SHB: variants seen among roughly 807,000 people sequenced by gnomAD.
The protein encoded by SHB is SH2 domain-containing adapter protein B.
In SHB, 20 loss-of-function variants were observed where a neutral mutation model predicts 52.3. The ratio of observed to expected loss-of-function variants is 0.38; its 90% CI spans 0.27 to 0.56. The LOEUF (loss-of-function observed/expected upper bound fraction) is 0.56. Among genes scored for constraint, SHB ranks in the 20% least tolerant of loss-of-function variants. SHB has a pLI of 0.71. For missense variants in SHB, 825 were observed against 723.3 expected (o/e 1.14, Z -1.61); for synonymous variants, 397 against 316.5 (o/e 1.25, Z -2.70).
At chr9:38,039,847 T>A (rs1821549249) in intron 1 of SHB, among the ~76,000 whole-genome samples, 1 of 152,204 alleles carries the variant, frequency 6.6e-6, no homozygotes, top group Non-Finnish European at 1.5e-5. Context: ...CAGCTGGAGC[T>A]CGAGGGGCGA....
intron 2 of SHB, among the ~76,000 whole-genome samples, chr9:37,994,994 C>A (rs1288437779): frequency 6.6e-6 from 1 of 152,174 alleles, no homozygotes. Context: ...GGAACTGAAA[C>A]GTTCTTCCTG....
chr9:37,932,704 C>T (rs1208270860), intron 5 of SHB, among the ~76,000 whole-genome samples: 2 of 152,186 alleles, frequency 1.3e-5, no homozygotes, highest in African/African-American at 2.4e-5. Context: ...ACCCCAAATG[C>T]CTGGGCTCAT....
At chr9:38,021,289 G>A (rs1328371181) in intron 1 of SHB, among the ~76,000 whole-genome samples, 1 of 151,784 alleles carries the variant, frequency 6.6e-6, no homozygotes, top group African/African-American at 2.4e-5. Context: ...GTGGTGAGCC[G>A]AGATCGCGCC....
At chr9:37,925,610 G>T (rs1294869829) in intron 5 of SHB, among the ~76,000 whole-genome samples, 2 of 152,180 alleles carry the variant, frequency 1.3e-5, no homozygotes, top group East Asian at 3.9e-4. Context: ...TTCTTGAAGG[G>T]GTAATGTGAG....
At chr9:37,960,540 G>A (rs1832682696) in intron 3 of SHB, among the ~76,000 whole-genome samples, 1 of 152,152 alleles carries the variant, frequency 6.6e-6, no homozygotes, top group Non-Finnish European at 1.5e-5. Context: ...CCAATGATGG[G>A]GACCAGACCC....
chr9:37,943,230 A>G (rs1202549155), intron 5 of SHB, among the ~76,000 whole-genome samples: 1 of 152,004 alleles, frequency 6.6e-6, no homozygotes, highest in Non-Finnish European at 1.5e-5. Context: ...CATCCTTCAC[A>G]TTCCCCTTCC....
intron 2 of SHB, among the ~76,000 whole-genome samples, chr9:38,003,604 G>A (rs1821045257): frequency 6.6e-6 from 1 of 152,162 alleles, no homozygotes; most frequent in Non-Finnish European, 1.5e-5. Flanking sequence ...GGGCTTCCAT[G>A]GATTCTCCAC....
At chr9:37,929,556 T>C (rs1036047677) in intron 5 of SHB, among the ~76,000 whole-genome samples, 5 of 152,164 alleles carry the variant, frequency 3.3e-5, no homozygotes, top group African/African-American at 1.2e-4. Flanking sequence ...AGCACTGAGC[T>C]AGGTTTCCCA....
At chr9:37,985,108 G>C (rs1370571854) in intron 2 of SHB, among the ~76,000 whole-genome samples, 2 of 152,222 alleles carry the variant, frequency 1.3e-5, no homozygotes, top group Non-Finnish European at 1.5e-5. Context: ...AACCAACAGA[G>C]GGTGGGCTCT....
chr9:37,924,712 G>A (rs982868800), intron 5 of SHB, among the ~76,000 whole-genome samples: 12 of 152,146 alleles, frequency 7.9e-5, no homozygotes, highest in Non-Finnish European at 1.5e-4. Flanking sequence ...CTGGGTACTG[G>A]GCTCTGAGCT....
At chr9:38,056,450 G>C (rs764823835) in intron 1 of SHB, among the ~76,000 whole-genome samples, 1 of 152,174 alleles carries the variant, frequency 6.6e-6, no homozygotes, top group Non-Finnish European at 1.5e-5. Flanking sequence ...TCGTGCCTCA[G>C]CCTCTAAAGT....
At position 37,944,263 on chromosome 9, in the gene SHB, T is replaced by TG. The variant is rs550821024; in HGVS notation, c.1346+4371dup. On this transcript the variant is annotated intron_variant, in intron 5 of 5. Coordinates refer to ENST00000377707, the MANE Select transcript of SHB (RefSeq NM_003028.3). ...GTGGGTCACTGCAAGTGCAGAAAGT[T>TG]GGGGGGTGGGATGCCGACAGGTGGC... Among the ~76,000 whole-genome samples, 225 of 152,166 alleles carry TG rather than the reference T, an allele frequency of 1.5e-3. 1 individual carries two copies. The highest frequency in any genetic ancestry group is 5.0e-3 in the African/African-American group (209 of 41,518).
chr9:38,020,539 T>C (rs192442699), intron 1 of SHB, among the ~76,000 whole-genome samples: 1 of 152,324 alleles, frequency 6.6e-6, no homozygotes, highest in East Asian at 1.9e-4. Context: ...TTTTGTTTTC[T>C]TCCCTGGTGG....
chr9:38,016,188 T>G, intron 1 of SHB, 57 bp from the exon 2 acceptor site: 1 of 1,594,796 alleles, frequency 6.3e-7, no homozygotes, highest in Non-Finnish European at 8.6e-7. Flanking sequence ...GTTTCACATC[T>G]CTTCACAGCT....
intron 3 of SHB, among the ~76,000 whole-genome samples, chr9:37,967,173 G>C (rs1239081739): frequency 1.3e-5 from 2 of 152,074 alleles, no homozygotes; most frequent in East Asian, 1.9e-4. Context: ...GGCTCTGTAG[G>C]GTTAACCTAT....
chr9:38,068,457 G>C lies in SHB; in HGVS notation c.189C>G (p.Phe63Leu). 1 of 1,527,548 alleles carries C rather than the reference G, an allele frequency of 6.5e-7. No individual in the cohort carries two copies. The highest frequency in any genetic ancestry group is 8.8e-7 in the Non-Finnish European group (1 of 1,142,310). 94.6% of individuals were successfully genotyped at this position (1,527,548 alleles called of 1,614,324 possible). Residue 63 changes from phenylalanine to leucine, a missense_variant, in exon 1 of 6, where the codon TTC (phenylalanine) becomes TTG (leucine). Coordinates refer to ENST00000377707, the MANE Select transcript of SHB (RefSeq NM_003028.3). Reference sequence around the variant, plus strand: ...CGGGCAGCGAGCCCGAAGAGGCTGAGAAGCAGGAGGCGGTGGCCGGACCGC... The same window carrying C: ...CGGGCAGCGAGCCCGAAGAGGCTGACAAGCAGGAGGCGGTGGCCGGACCGC... ...ASCGPATASC[F>L]SASSGSLPDD...
chr9:38,000,033 C>T (rs981706638), intron 2 of SHB, among the ~76,000 whole-genome samples: 1 of 152,366 alleles, frequency 6.6e-6, no homozygotes, highest in East Asian at 1.9e-4. Context: ...GGGCACCACA[C>T]CTGAGTGGGT....
chr9:37,962,222 A>G (rs868680347), intron 3 of SHB, among the ~76,000 whole-genome samples: 7 of 152,222 alleles, frequency 4.6e-5, no homozygotes, highest in Non-Finnish European at 7.3e-5. Flanking sequence ...ACGCTCTGAT[A>G]CAATGCCTGT....
intron 2 of SHB, among the ~76,000 whole-genome samples, chr9:37,997,986 C>T (rs1820970489): frequency 6.6e-6 from 1 of 152,186 alleles, no homozygotes; most frequent in South Asian, 2.1e-4. Flanking sequence ...GCTTGTGGTA[C>T]CCACTGTGTC....
Sources: gnomAD v4.1 joint callset for allele counts (sites outside exome capture counted in the v4.1 genomes callset) on GRCh38, gnomAD v4.1.1 for gene constraint, MANE v1.5 for transcripts, NCBI Gene and HGNC (gene_info 2026-07-23, HGNC 2026-07-21) for gene names.